The following GABRA3 variants were observed in gnomAD, a reference collection of about 807,000 sequenced individuals.
GABRA3 encodes the protein gamma-aminobutyric acid type A receptor subunit alpha3, also known as gamma-aminobutyric acid receptor subunit alpha-3.
A neutral mutation model predicts 30.1 loss-of-function variants in GABRA3; 10 were observed. The observed-to-expected ratio is 0.33, with a 90% CI of 0.20 to 0.56. The LOEUF (loss-of-function observed/expected upper bound fraction) is 0.56. GABRA3 is among the 20% of genes least tolerant of loss of function. The probability of loss-of-function intolerance (pLI) is 0.89; values close to 1 mark genes in which losing one functional copy is unlikely to be tolerated. For missense variants in GABRA3, 233 were observed against 392.0 expected (o/e 0.59, Z 3.42); for synonymous variants, 151 against 146.8 (o/e 1.03, Z -0.21).
At chrX:152,368,685 A>G (rs1412431919) in intron 1 of GABRA3, among the ~76,000 whole-genome samples, 1 of 91,635 alleles carries the variant, frequency 1.1e-5, no homozygotes, top group Non-Finnish European at 2.1e-5. Context: ...ATGTAACTCT[A>G]TTTTTAATTT....
chrX:152,208,102 C>T lies in GABRA3; in HGVS notation c.677G>A (p.Gly226Glu). The stretch of plus-strand genomic sequence containing the variant: ...TGCCACTTCCACGGATTTGTTCTTT[C>T]CGAGAGTCCAAGAATAAACCACTTC... ...TAEVVYSWTL[G>E]KNKSVEVAQD... The change falls in exon 7 of 10, where the codon GGA becomes GAA. Residue 226 changes from glycine (G) to glutamate (E), a missense_variant. Physicochemically the swap from Gly to Glu is moderately conservative, Grantham distance 98. This residue lies in a region of GABRA3 where 42 missense variants were observed against 116.2 expected (regional missense o/e 0.36). Transcript: ENST00000370314. The T allele has an allele frequency of 8.3e-7, 1 of 1,210,951 alleles. No individual in the cohort carries two copies. Among genetic ancestry groups the T allele is most frequent in the Non-Finnish European group, 1.1e-6 (1 of 894,713 alleles).
At chrX:152,422,387 T>A (rs1433811117) in intron 1 of GABRA3, among the ~76,000 whole-genome samples, 3 of 110,853 alleles carry the variant, frequency 2.7e-5, no homozygotes, top group African/African-American at 9.8e-5. Context: ...GTATTAGTTA[T>A]CTTTGTGGGG....
chrX:152,226,211 T>C (rs1173667632), intron 5 of GABRA3, among the ~76,000 whole-genome samples: 2 of 111,665 alleles, frequency 1.8e-5, no homozygotes, highest in Non-Finnish European at 3.8e-5. Flanking sequence ...CCGCAGGCTA[T>C]TGCTGCTTAA....
intron 5 of GABRA3, among the ~76,000 whole-genome samples, chrX:152,251,555 A>G (rs757664373): frequency 9.2e-6 from 1 of 108,588 alleles, no homozygotes; most frequent in South Asian, 4.0e-4. Context: ...TTTCCTGCCC[A>G]TTACTCTCTC....
intron 4 of GABRA3, among the ~76,000 whole-genome samples, chrX:152,270,974 T>C (rs764644222): frequency 2.2e-4 from 24 of 109,113 alleles, no homozygotes; most frequent in Admixed American, 1.7e-3. Flanking sequence ...CTTTTTTTTT[T>C]TTTTGAGAGA....
chrX:152,256,042 G>T, intron 4 of GABRA3, 44 bp from the exon 5 acceptor site: 1 of 979,944 alleles, frequency 1.0e-6, no homozygotes, highest in Non-Finnish European at 1.5e-6. Context: ...TTGAGTTCTG[G>T]TAAGGGCTCA....
chrX:152,206,502 G>C (rs1399788053), intron 7 of GABRA3, among the ~76,000 whole-genome samples: 1 of 112,050 alleles, frequency 8.9e-6, no homozygotes, highest in East Asian at 2.8e-4. Flanking sequence ...GAGGCTGGCA[G>C]TACCTGTGCA....
intron 5 of GABRA3, among the ~76,000 whole-genome samples, chrX:152,237,937 AAC>A (rs1938262302): frequency 9.0e-6 from 1 of 110,974 alleles, no homozygotes; most frequent in Admixed American, 9.6e-5. Context: ...GTCATCTGCA[AAC>A]AGGGACAATT....
intron 4 of GABRA3, among the ~76,000 whole-genome samples, chrX:152,259,381 C>T (rs1320086184): frequency 9.0e-6 from 1 of 111,590 alleles, no homozygotes; most frequent in African/African-American, 3.3e-5. Flanking sequence ...GACATGTGAC[C>T]TATGGAGACA....
At chrX:152,377,255 C>T (rs1929022786) in intron 1 of GABRA3, among the ~76,000 whole-genome samples, 1 of 111,304 alleles carries the variant, frequency 9.0e-6, no homozygotes, top group Non-Finnish European at 1.9e-5. Context: ...ATTCTTTATC[C>T]ATCCCCACTA....
chrX:152,434,427 T>C (rs1484884192), intron 1 of GABRA3, among the ~76,000 whole-genome samples: 2 of 110,803 alleles, frequency 1.8e-5, no homozygotes, highest in Non-Finnish European at 3.8e-5. Flanking sequence ...ATCATGGAAG[T>C]TAATACTTAA....
At chrX:152,215,035 T>C (rs1937692320) in intron 6 of GABRA3, among the ~76,000 whole-genome samples, 1 of 98,091 alleles carries the variant, frequency 1.0e-5, no homozygotes, top group African/African-American at 3.8e-5. Context: ...TATGTGTGTA[T>C]GGATATATAT....
At chrX:152,293,598 A>G (rs1332116139) in intron 3 of GABRA3, among the ~76,000 whole-genome samples, 3 of 111,314 alleles carry the variant, frequency 2.7e-5, no homozygotes, top group Non-Finnish European at 5.7e-5. Flanking sequence ...AACAACAATA[A>G]TAACAATAAT....
At chrX:152,218,039 T>C (rs1194823351) in intron 6 of GABRA3, among the ~76,000 whole-genome samples, 3 of 108,738 alleles carry the variant, frequency 2.8e-5, no homozygotes, top group Admixed American at 2.0e-4. Flanking sequence ...TTCTAGTCTC[T>C]TAAGGTGGAA....
intron 5 of GABRA3, among the ~76,000 whole-genome samples, chrX:152,230,483 A>G (rs1037406572): frequency 1.8e-5 from 2 of 111,009 alleles, no homozygotes; most frequent in Admixed American, 9.7e-5. Context: ...GGTTGATTCT[A>G]AAATTTATAT....
chrX:152,216,132 C>G (rs1302844401), intron 6 of GABRA3, among the ~76,000 whole-genome samples: 1 of 110,472 alleles, frequency 9.1e-6, no homozygotes, highest in South Asian at 3.8e-4. Context: ...TTCTTATACA[C>G]TGTTGGTGAG....
intron 7 of GABRA3, among the ~76,000 whole-genome samples, chrX:152,206,892 C>T (rs755012768): frequency 9.0e-6 from 1 of 110,895 alleles, no homozygotes; most frequent in Admixed American, 9.5e-5. Context: ...AACAGCCCAC[C>T]CACCCCTGCA....
chrX:152,345,183 C>A (rs982441144), intron 3 of GABRA3, among the ~76,000 whole-genome samples: 2 of 111,201 alleles, frequency 1.8e-5, no homozygotes, highest in African/African-American at 6.5e-5. Flanking sequence ...TGGGCATTGT[C>A]TAACCTTGAG....
chrX:152,254,172 T>A (rs1482324344), intron 5 of GABRA3, among the ~76,000 whole-genome samples: 3 of 111,487 alleles, frequency 2.7e-5, no homozygotes, highest in Non-Finnish European at 1.9e-5. Flanking sequence ...GGCAAATGAA[T>A]AAATGAGGGA....
Sources: gnomAD v4.1 joint callset for allele counts (sites outside exome capture counted in the v4.1 genomes callset) on GRCh38, gnomAD v4.1.1 for gene constraint, gnomAD v4.1.1 regional missense constraint, MANE v1.5 for transcripts, NCBI Gene and HGNC (gene_info 2026-07-23, HGNC 2026-07-21) for gene names.